Variants in TLN2 observed in about 807,000 individuals in gnomAD.
TLN2 encodes talin-2.
TLN2 carries 118 observed loss-of-function variants against 294.7 expected under a neutral mutation model. The ratio of observed to expected loss-of-function variants is 0.40; its 90% CI spans 0.34 to 0.47. The LOEUF (loss-of-function observed/expected upper bound fraction) is 0.47. Ranked by LOEUF, TLN2 falls within the 20% of genes least tolerant of loss-of-function variation. The pLI is 0.84. For synonymous variants in TLN2, 1,431 were observed against 1,304.5 expected (o/e 1.10, Z -2.09); for missense variants, 3,083 against 3,282.2 (o/e 0.94, Z 1.48).
intron 16 of TLN2, among the ~76,000 whole-genome samples, chr15:62,700,759 T>A (rs989694232): frequency 2.6e-5 from 4 of 152,250 alleles, no homozygotes; most frequent in Admixed American, 2.6e-4. Context: ...TTAGTGCTAA[T>A]GTGCAGTATT....
chr15:62,644,171 C>A (rs1279406479), intron 3 of TLN2, among the ~76,000 whole-genome samples: 3 of 149,800 alleles, frequency 2.0e-5, no homozygotes, highest in Non-Finnish European at 4.4e-5. Context: ...GCCCCGCCCC[C>A]ATCCCACTAA....
Position 62,699,055 on chromosome 15 carries a change from T to G in TLN2, c.1587+188T>G, listed in dbSNP as rs1299797000. On this transcript the variant is annotated intron_variant, in intron 16 of 58. Coordinates refer to ENST00000636159, the MANE Select transcript of TLN2 (RefSeq NM_015059.3). Reference sequence around the variant, plus strand: ...GGAGGAGAGAATCATAGGGTACTGCTGGCTGTTGGCAGTACCACGGGTGGG... The same window carrying G: ...GGAGGAGAGAATCATAGGGTACTGCGGGCTGTTGGCAGTACCACGGGTGGG... Among the ~76,000 whole-genome samples the G allele has an allele frequency of 2.0e-5, 3 of 152,208 alleles. No homozygotes were observed. In the East Asian group the frequency reaches 5.8e-4, roughly 29 times the overall value.
chr15:62,604,545 AAG>A (rs1491360050), intron 2 of TLN2, among the ~76,000 whole-genome samples: 3 of 148,934 alleles, frequency 2.0e-5, no homozygotes, highest in East Asian at 2.0e-4. Flanking sequence ...AAAAAAAAAA[AAG>A]AAAAGGGTGG....
At chr15:62,696,720 T>G (rs564577862) in intron 14 of TLN2, among the ~76,000 whole-genome samples, 2 of 152,128 alleles carry the variant, frequency 1.3e-5, no homozygotes, top group Non-Finnish European at 2.9e-5. Flanking sequence ...AAAAAATAAA[T>G]TTTAAAAAAT....
chr15:62,810,751 G>A (rs1448690685), intron 52 of TLN2, among the ~76,000 whole-genome samples: 1 of 152,134 alleles, frequency 6.6e-6, no homozygotes, highest in Non-Finnish European at 1.5e-5. Flanking sequence ...CTGAGTTCAG[G>A]AGCCATGTTT....
chr15:62,755,775 T>C, intron 37 of TLN2, 82 bp downstream of exon 37: 2 of 1,530,328 alleles, frequency 1.3e-6, no homozygotes, highest in Non-Finnish European at 1.8e-6. Flanking sequence ...TAAGCTCCAC[T>C]CCTCTCCTTG....
chr15:62,647,885 A>G (rs2052082513), intron 4 of TLN2, among the ~76,000 whole-genome samples: 1 of 151,958 alleles, frequency 6.6e-6, no homozygotes, highest in African/African-American at 2.4e-5. Flanking sequence ...TATAAATTTT[A>G]TCTCAAACCT....
intron 48 of TLN2, among the ~76,000 whole-genome samples, chr15:62,798,135 G>A (rs1373818094): frequency 2.6e-5 from 4 of 152,164 alleles, no homozygotes; most frequent in African/African-American, 7.2e-5. Context: ...GAGGACATTG[G>A]TGTCCCCAGC....
intron 1 of TLN2, among the ~76,000 whole-genome samples, chr15:62,473,977 C>T (rs565328693): frequency 6.6e-6 from 1 of 152,288 alleles, no homozygotes; most frequent in East Asian, 1.9e-4. Context: ...ATCTGTAACC[C>T]CAGCTACTTG....
chr15:62,606,606 G>A (rs1363553148), intron 2 of TLN2, among the ~76,000 whole-genome samples: 1 of 152,158 alleles, frequency 6.6e-6, no homozygotes, highest in African/African-American at 2.4e-5. Context: ...CAGCGATACA[G>A]CATTCCTTCA....
At chr15:62,529,103 T>TG (rs200669209) in intron 1 of TLN2, among the ~76,000 whole-genome samples, 3,264 of 150,690 alleles carry the variant, frequency 0.022, 103 homozygotes, top group African/African-American at 0.075. Flanking sequence ...GCTTTTTTTT[T>TG]TTGTGTGTGT....
intron 9 of TLN2, among the ~76,000 whole-genome samples, chr15:62,660,080 T>C (rs573921779): frequency 2.1e-4 from 32 of 152,280 alleles, no homozygotes; most frequent in East Asian, 1.7e-3. Flanking sequence ...AATGAGAAGG[T>C]TGGACTTGTG....
intron 5 of TLN2, among the ~76,000 whole-genome samples, chr15:62,651,283 G>A (rs527469796): frequency 1.3e-5 from 2 of 152,236 alleles, no homozygotes; most frequent in Middle Eastern, 3.4e-3. Flanking sequence ...TAAGGCATAA[G>A]TATGACTTCT....
rs929169407 is a variant in TLN2, at chr15:62,653,394, C to T, written c.517+80C>T. The T allele has an allele frequency of 7.6e-6, 11 of 1,441,878 alleles. No homozygotes were observed. The African/African-American group carries it at 1.4e-4, about 19-fold the overall frequency. The allele number at this position is 1,441,878 out of a possible 1,614,324, so 89.3% of individuals were successfully genotyped here. ...CTTCCCTCCCACCATCCATATGACC[C>T]AGGACAGGACTTTTGATTTTTGTTT... is the stretch of plus-strand genomic sequence containing the variant. On this transcript the variant is annotated intron_variant, in intron 7 of 58. Transcript: ENST00000636159.
At chr15:62,660,449 A>C (rs1233709472) in intron 9 of TLN2, among the ~76,000 whole-genome samples, 2 of 152,224 alleles carry the variant, frequency 1.3e-5, no homozygotes, top group African/African-American at 4.8e-5. Context: ...AGAACAGTCA[A>C]GTGTGGGGAG....
rs1340348553 is a variant in TLN2 at position 62,781,148 on chromosome 15, A to G, written c.5523A>G (p.Glu1841=). 1.2e-6 allele frequency: 2 copies of G among 1,613,416 alleles called. No homozygotes were observed. Among genetic ancestry groups the G allele is most frequent in the Non-Finnish European group, 1.7e-6 (2 of 1,179,352 alleles). The change falls in exon 44 of 59, where the codon GAA becomes GAG. Residue 1841 remains glutamate, a synonymous_variant. Coordinates refer to ENST00000636159, the MANE Select transcript of TLN2 (RefSeq NM_015059.3). ...TTTCCTCTCCTCTGTAGCTGGATGA[A>G]GGCACTCCTCCAGAACCAAAGGGAA... The part of the protein sequence containing the change: ...AIAEAMSKLD[E]GTPPEPKGTF...
At chr15:62,719,960 G>A in intron 25 of TLN2, 80 bp downstream of exon 25, 2 of 1,053,824 alleles carry the variant, frequency 1.9e-6, no homozygotes, top group Non-Finnish European at 2.6e-6. Flanking sequence ...AGGAGTTAAT[G>A]AATTCCACAG....
chr15:62,491,889 T>G (rs2038747326), intron 1 of TLN2, among the ~76,000 whole-genome samples: 1 of 152,134 alleles, frequency 6.6e-6, no homozygotes, highest in African/African-American at 2.4e-5. Context: ...GTTCAGGAAT[T>G]TACAAACTAG....
rs1596188738 is a variant in TLN2 at position 62,833,516 on chromosome 15, A to C, written c.7015A>C (p.Thr2339Pro). ...CTTTTGGTTATAGCAAGCGGATGAG[A>C]CCCTGGACTTTGAGGAACAGATCTT... ...PRAKPKQADETLDFEEQILEA... is the reference protein window; with the variant it reads ...PRAKPKQADEPLDFEEQILEA... The change falls in exon 55 of 59, where the codon ACC becomes CCC. Residue 2339 changes from threonine to proline, a missense_variant. Physicochemically the swap from Thr to Pro is conservative, Grantham distance 38 (BLOSUM62 -1). Transcript: ENST00000636159. 1 of 1,613,976 alleles carries C rather than the reference A, an allele frequency of 6.2e-7. No individual in the cohort carries two copies. The highest frequency in any genetic ancestry group is 8.5e-7 in the Non-Finnish European group (1 of 1,179,942).
Sources: allele counts gnomAD v4.1 joint callset (sites outside exome capture counted in the v4.1 genomes callset), GRCh38; gene constraint gnomAD v4.1.1; transcripts MANE v1.5; gene names NCBI Gene and HGNC (gene_info 2026-07-23, HGNC 2026-07-21).